The following FHIT variants were observed in gnomAD, a reference collection of about 807,000 sequenced individuals.
The protein encoded by FHIT is bis(5'-adenosyl)-triphosphatase.
In FHIT, 19 loss-of-function variants were observed where a neutral mutation model predicts 17.9. The ratio of observed to expected loss-of-function variants is 1.06; its 90% CI spans 0.74 to 1.56. The LOEUF (loss-of-function observed/expected upper bound fraction) is 1.56, where lower values mean the gene tolerates loss of function less well. Ranked by LOEUF, FHIT falls within the 40% of genes most tolerant of loss-of-function variation. The pLI, the probability that FHIT is intolerant of heterozygous loss-of-function variation, is 0.00. For synonymous variants in FHIT, 81 were observed against 69.7 expected (o/e 1.16, Z -0.81); for missense variants, 248 against 189.2 (o/e 1.31, Z -1.82).
intron 2 of FHIT, among the ~76,000 whole-genome samples, chr3:61,087,702 C>G (rs534465016): frequency 2.6e-5 from 4 of 152,188 alleles, no homozygotes; most frequent in South Asian, 2.1e-4. Flanking sequence ...GATGTACACA[C>G]ACACATACGC....
At chr3:60,176,437 T>C (rs544287473) in intron 5 of FHIT, among the ~76,000 whole-genome samples, 41 of 152,242 alleles carry the variant, frequency 2.7e-4, no homozygotes, top group African/African-American at 9.4e-4. Context: ...GTAAAGAATA[T>C]AGAAATACTC....
At chr3:60,190,441 T>C (rs751428189) in intron 5 of FHIT, among the ~76,000 whole-genome samples, 2 of 151,514 alleles carry the variant, frequency 1.3e-5, no homozygotes, top group Non-Finnish European at 2.9e-5. Context: ...GGCCAAAAGA[T>C]AGTTATAGTA....
intron 7 of FHIT, among the ~76,000 whole-genome samples, chr3:59,986,926 G>A (rs1343275618): frequency 2.2e-3 from 244 of 113,022 alleles, no homozygotes; most frequent in Middle Eastern, 0.01. Context: ...ATATATGTAC[G>A]TATGTATAGG....
chr3:60,958,112 A>G (rs1709255887), intron 3 of FHIT, among the ~76,000 whole-genome samples: 1 of 152,210 alleles, frequency 6.6e-6, no homozygotes, highest in African/African-American at 2.4e-5. Context: ...CTACAGACTC[A>G]ATATCACATT....
At chr3:59,862,351 G>C (rs1702444030) in intron 8 of FHIT, among the ~76,000 whole-genome samples, 1 of 152,150 alleles carries the variant, frequency 6.6e-6, no homozygotes, top group Non-Finnish European at 1.5e-5. Context: ...TTCCCACCAG[G>C]TCCCTCCCAC....
rs541821980 is a variant in FHIT, at chr3:59,990,649, A to G, written c.279+20722T>C. Among the ~76,000 whole-genome samples the G allele has an allele frequency of 6.1e-4, 93 of 152,154 alleles. 1 individual carries two copies. The highest frequency in any genetic ancestry group is 2.2e-3 in the African/African-American group (91 of 41,540). On this transcript the variant is annotated intron_variant, in intron 7 of 9. Coordinates refer to ENST00000492590, the MANE Select transcript of FHIT (RefSeq NM_002012.4). ...GTATTCTGTGAAGAAATAATTAATA[A>G]TAATCCACACCAGCCAAAAGTAGAT...
intron 4 of FHIT, among the ~76,000 whole-genome samples, chr3:60,680,238 T>G (rs532695078): frequency 1.3e-5 from 2 of 152,304 alleles, no homozygotes; most frequent in South Asian, 4.1e-4. Flanking sequence ...CCTTTAATTT[T>G]GACAATTGGA....
intron 4 of FHIT, among the ~76,000 whole-genome samples, chr3:60,598,663 AAATT>A (rs1191073566): frequency 6.6e-6 from 1 of 152,220 alleles, no homozygotes; most frequent in Non-Finnish European, 1.5e-5. Context: ...AAAAACAGTC[AAATT>A]TCGCTTTGCT....
chr3:60,217,106 T>C (rs1366415128), intron 5 of FHIT, among the ~76,000 whole-genome samples: 2 of 152,216 alleles, frequency 1.3e-5, no homozygotes, highest in South Asian at 4.1e-4. Flanking sequence ...AAAAGTCCAA[T>C]TTTGTGACAT....
intron 4 of FHIT, among the ~76,000 whole-genome samples, chr3:60,676,629 T>C (rs2040626666): frequency 6.6e-6 from 1 of 152,170 alleles, no homozygotes; most frequent in Non-Finnish European, 1.5e-5. Context: ...AACAACTTCA[T>C]ACAGCTGCTA....
At chr3:60,861,156 C>CG (rs1465877578) in intron 3 of FHIT, among the ~76,000 whole-genome samples, 19 of 6,512 alleles carry the variant, frequency 2.9e-3, no homozygotes, top group African/African-American at 7.6e-3. Flanking sequence ...GATCTATATA[C>CG]ATATATATCA....
chr3:61,000,964 G>GA (rs111399338), intron 3 of FHIT, among the ~76,000 whole-genome samples: 9,725 of 143,050 alleles, frequency 0.068, 824 homozygotes, highest in African/African-American at 0.2. Context: ...AAGCTCAACA[G>GA]AAAAAAAAAA....
At chr3:59,992,113 A>C (rs911078863) in intron 7 of FHIT, among the ~76,000 whole-genome samples, 4 of 151,926 alleles carry the variant, frequency 2.6e-5, no homozygotes, top group African/African-American at 9.7e-5. Context: ...AGAACTAAAC[A>C]GTATTGGATA....
At chr3:60,012,895 T>G (rs1371268830) in intron 6 of FHIT, among the ~76,000 whole-genome samples, 4 of 152,192 alleles carry the variant, frequency 2.6e-5, no homozygotes, top group Admixed American at 2.6e-4. Context: ...TTCTTGTATC[T>G]CACTAAACAT....
At chr3:60,537,395 C>T (rs761776027) in intron 4 of FHIT, 13 of 787,698 alleles carry the variant, frequency 1.7e-5, no homozygotes, top group Non-Finnish European at 2.0e-5. Flanking sequence ...TTCTTAAATG[C>T]TTCTCTCAAA....
At chr3:60,197,032 T>C (rs1702680056) in intron 5 of FHIT, among the ~76,000 whole-genome samples, 1 of 152,186 alleles carries the variant, frequency 6.6e-6, no homozygotes, top group Admixed American at 6.5e-5. Flanking sequence ...CGTAGACAGA[T>C]AAAAGAACTG....
At chr3:60,999,194 GATACA>G (rs1174228217) in intron 3 of FHIT, among the ~76,000 whole-genome samples, 2 of 152,062 alleles carry the variant, frequency 1.3e-5, no homozygotes, top group African/African-American at 4.8e-5. Flanking sequence ...CAATGCTAGG[GATACA>G]ATACAATAGA....
intron 3 of FHIT, among the ~76,000 whole-genome samples, chr3:61,000,832 G>C (rs2107603122): frequency 6.6e-6 from 1 of 152,274 alleles, no homozygotes; most frequent in East Asian, 1.9e-4. Flanking sequence ...GAGACCTAGT[G>C]GGGAAGCCCC....
At chr3:60,581,822 AAG>A (rs1322860081) in intron 4 of FHIT, among the ~76,000 whole-genome samples, 1 of 152,064 alleles carries the variant, frequency 6.6e-6, no homozygotes, top group African/African-American at 2.4e-5. Flanking sequence ...AGAAGTATCA[AAG>A]ATTCTTTTTT....
Sources: allele counts gnomAD v4.1 joint callset (sites outside exome capture counted in the v4.1 genomes callset), GRCh38; gene constraint gnomAD v4.1.1; transcripts MANE v1.5; gene names NCBI Gene and HGNC (gene_info 2026-07-23, HGNC 2026-07-21).